Variants in XRCC4 observed in about 807,000 individuals in gnomAD.
XRCC4 encodes the protein X-ray repair cross complementing 4, also known as DNA repair protein XRCC4.
XRCC4 carries 28 observed loss-of-function variants against 39.1 expected under a neutral mutation model. The ratio of observed to expected loss-of-function variants is 0.72; its 90% CI spans 0.53 to 0.98. The LOEUF is 0.98. XRCC4 is among the 50% of genes least tolerant of loss of function. The probability of loss-of-function intolerance (pLI) is 0.00; values close to 1 mark genes in which losing one functional copy is unlikely to be tolerated. For missense variants in XRCC4, 350 were observed against 376.4 expected, an observed-to-expected ratio of 0.93 and a Z score of 0.58; for synonymous variants, 123 against 126.4, an observed-to-expected ratio of 0.97 and a Z score of 0.18.
At chr5:83,341,074 G>A (rs927696877) in intron 7 of XRCC4, among the ~76,000 whole-genome samples, 9 of 152,064 alleles carry the variant, frequency 5.9e-5, no homozygotes, top group Non-Finnish European at 1.2e-4. Flanking sequence ...TTCTTGGGAT[G>A]TTAATGGTGA....
intron 7 of XRCC4, among the ~76,000 whole-genome samples, chr5:83,303,863 G>T (rs1272754899): frequency 6.6e-6 from 1 of 152,158 alleles, no homozygotes; most frequent in Non-Finnish European, 1.5e-5. Flanking sequence ...GACAATATTT[G>T]TAGATGCATG....
intron 7 of XRCC4, among the ~76,000 whole-genome samples, chr5:83,284,505 A>C (rs575865350): frequency 2.7e-4 from 41 of 152,196 alleles, no homozygotes; most frequent in South Asian, 2.7e-3. Flanking sequence ...ATTTGGGGTG[A>C]ATTTTTAAAT....
intron 6 of XRCC4, among the ~76,000 whole-genome samples, chr5:83,236,534 C>G (rs530748285): frequency 6.6e-6 from 1 of 151,884 alleles, no homozygotes; most frequent in African/African-American, 2.4e-5. Flanking sequence ...AACTAGAACC[C>G]TATATCTCAC....
intron 3 of XRCC4, among the ~76,000 whole-genome samples, chr5:83,115,047 T>C (rs184717921): frequency 2.0e-4 from 30 of 152,234 alleles, no homozygotes; most frequent in African/African-American, 7.0e-4. Context: ...ATGAGACTTA[T>C]TCACTTTCAT....
At chr5:83,318,233 C>T (rs1345053282) in intron 7 of XRCC4, among the ~76,000 whole-genome samples, 1 of 133,670 alleles carries the variant, frequency 7.5e-6, no homozygotes, top group Non-Finnish European at 1.5e-5. Context: ...CTATGACAAA[C>T]CCACAGCCAA....
At chr5:83,083,149 CCT>C (rs1745029479) in intron 1 of XRCC4, among the ~76,000 whole-genome samples, 1 of 152,112 alleles carries the variant, frequency 6.6e-6, no homozygotes, top group African/African-American at 2.4e-5. Context: ...TGTTTTATCT[CCT>C]CTTTTTACTT....
downstream of XRCC4, among the ~76,000 whole-genome samples, chr5:83,356,401 GT>G (rs1473326283): frequency 6.6e-6 from 1 of 152,046 alleles, no homozygotes; most frequent in Non-Finnish European, 1.5e-5. Context: ...TAACTCCCTG[GT>G]GATAAGAGAT....
chr5:83,180,618 T>A (rs1750162844), intron 3 of XRCC4, among the ~76,000 whole-genome samples: 1 of 152,180 alleles, frequency 6.6e-6, no homozygotes, highest in Non-Finnish European at 1.5e-5. Context: ...AATAGCATTT[T>A]TTTATTATTG....
intron 3 of XRCC4, among the ~76,000 whole-genome samples, chr5:83,134,516 GACCAATCAGCTCTCTGTAAAACGT>G (rs1747783352): frequency 1.3e-5 from 2 of 152,112 alleles, no homozygotes; most frequent in African/African-American, 2.4e-5. Flanking sequence ...TCTCAAAACA[GACCAATCAGCTCTCTGTAAAACGT>G]ACCAATCAGC....
At chr5:83,225,234 G>A (rs1001236408) in intron 6 of XRCC4, among the ~76,000 whole-genome samples, 1 of 152,104 alleles carries the variant, frequency 6.6e-6, no homozygotes, top group Non-Finnish European at 1.5e-5. Context: ...AGTACCTGGA[G>A]ACCAATGTAA....
intron 6 of XRCC4, among the ~76,000 whole-genome samples, chr5:83,245,169 A>G (rs1753055212): frequency 2.0e-5 from 3 of 152,114 alleles, no homozygotes; most frequent in Admixed American, 1.3e-4. Flanking sequence ...GTCCTCGGGT[A>G]ACAAAATCAA....
At chr5:83,101,106 A>G (rs1745914814) in intron 1 of XRCC4, among the ~76,000 whole-genome samples, 1 of 152,096 alleles carries the variant, frequency 6.6e-6, no homozygotes, top group Admixed American at 6.6e-5. Context: ...ATGTTTTTTT[A>G]AAGGATCATC....
At chr5:83,143,494 A>G (rs1248463912) in intron 3 of XRCC4, among the ~76,000 whole-genome samples, 4 of 152,180 alleles carry the variant, frequency 2.6e-5, no homozygotes, top group Non-Finnish European at 5.9e-5. Flanking sequence ...GCAACATTCT[A>G]ACATTCTGTT....
chr5:83,309,034 C>T (rs1222308352), intron 7 of XRCC4, among the ~76,000 whole-genome samples: 2 of 151,412 alleles, frequency 1.3e-5, no homozygotes, highest in Admixed American at 6.6e-5. Flanking sequence ...AATCCCAGCA[C>T]TTTGGGAGGC....
At chr5:83,271,725 A>C (rs569158825) in intron 7 of XRCC4, among the ~76,000 whole-genome samples, 105 of 152,148 alleles carry the variant, frequency 6.9e-4, no homozygotes, top group Non-Finnish European at 1.3e-3. Context: ...TCCTACATAA[A>C]AAGTGGGAGG....
At chr5:83,345,723 A>G (rs755390023) in intron 7 of XRCC4, among the ~76,000 whole-genome samples, 2 of 152,202 alleles carry the variant, frequency 1.3e-5, no homozygotes, top group African/African-American at 2.4e-5. Context: ...TAGTGATACC[A>G]TTTTAAACTT....
At chr5:83,246,036 A>G (rs1753087794) in intron 6 of XRCC4, among the ~76,000 whole-genome samples, 1 of 151,882 alleles carries the variant, frequency 6.6e-6, no homozygotes, top group South Asian at 2.1e-4. Context: ...ATTTTTTTCT[A>G]TCATTGTCCT....
At chr5:83,226,072 C>T (rs1387232736) in intron 6 of XRCC4, among the ~76,000 whole-genome samples, 3 of 151,956 alleles carry the variant, frequency 2.0e-5, no homozygotes, top group Admixed American at 6.6e-5. Context: ...TGTACCACTC[C>T]AGGGGATGAA....
At chr5:83,113,452 G>C (rs1219558782) in intron 3 of XRCC4, among the ~76,000 whole-genome samples, 3 of 152,130 alleles carry the variant, frequency 2.0e-5, no homozygotes, top group Admixed American at 2.0e-4. Flanking sequence ...CCATTCTGGG[G>C]TCTGCAGGAA....
Sources: gnomAD v4.1 joint callset for allele counts (sites outside exome capture counted in the v4.1 genomes callset) on GRCh38, gnomAD v4.1.1 for gene constraint, MANE v1.5 for transcripts, NCBI Gene and HGNC (gene_info 2026-07-23, HGNC 2026-07-21) for gene names.